The following TRPM8 variants were observed in gnomAD, a reference collection of about 807,000 sequenced individuals.
TRPM8 encodes TRPM8 cationic channel.
Under a neutral mutation model 133.7 loss-of-function variants are expected in TRPM8, and 110 were observed. The observed-to-expected ratio is 0.82, with a 90% CI of 0.70 to 0.96. The LOEUF (loss-of-function observed/expected upper bound fraction) is 0.96. Ranked by LOEUF, TRPM8 falls within the 40% of genes least tolerant of loss-of-function variation. The probability of loss-of-function intolerance (pLI) is 0.00; values close to 1 mark genes in which losing one functional copy is unlikely to be tolerated. For missense variants in TRPM8, 1,291 were observed against 1,379.5 expected (o/e 0.94, Z 1.02); for synonymous variants, 535 against 532.3 (o/e 1.01, Z -0.07).
intron 2 of TRPM8, 149 bp downstream of exon 2, chr2:233,926,803 C>T (rs1691526601): frequency 1.5e-6 from 1 of 649,680 alleles, no homozygotes; most frequent in African/African-American, 1.8e-5. Flanking sequence ...GCTCTTGTTT[C>T]CGGTCTGAGC....
chr2:233,926,447 A>G, intron 1 of TRPM8, 86 bp from the exon 2 acceptor site: 1 of 976,044 alleles, frequency 1.0e-6, no homozygotes, highest in Non-Finnish European at 1.6e-6. Context: ...GAGAGGGTGG[A>G]GGGAAAACGG....
At position 233,964,632 on chromosome 2, in the gene TRPM8, G is replaced by T; in HGVS notation, c.1754G>T (p.Arg585Met). 2 of 1,579,956 alleles carry T rather than the reference G, an allele frequency of 1.3e-6. No homozygotes were observed. The highest frequency in any genetic ancestry group is 2.3e-5 in the East Asian group (1 of 44,364). The change falls in exon 14 of 26, where the codon AGG (arginine) becomes ATG (methionine). Residue 585 changes from arginine (R) to methionine (M), a missense_variant. Transcript: ENST00000324695. The stretch of plus-strand genomic sequence containing the variant: ...ATTCTTCACCCCCCTAAAAAGACCA[G>T]GGGCTGCACTCTGGCAGCCCTGGGA... ...ELSKVIWEQT[R>M]GCTLAALGAS...
chr2:233,986,708 G>A (rs929518207), intron 21 of TRPM8, among the ~76,000 whole-genome samples: 9 of 152,234 alleles, frequency 5.9e-5, no homozygotes, highest in Non-Finnish European at 1.2e-4. Context: ...TGATAAATTA[G>A]GGAAAATGTT....
intron 6 of TRPM8, chr2:233,943,000 A>C (rs2125104922): frequency 1.7e-6 from 1 of 584,204 alleles, no homozygotes; most frequent in South Asian, 2.1e-5. Flanking sequence ...TATCACAGTC[A>C]GGTTCTTTAT....
At chr2:233,942,936 G>A in intron 6 of TRPM8, 188 bp downstream of exon 6, 1 of 637,628 alleles carries the variant, frequency 1.6e-6, no homozygotes, top group Non-Finnish European at 2.8e-6. Context: ...TAACTGCTGG[G>A]AAAGAGTTAA....
chr2:233,937,605 G>A lies in TRPM8; in HGVS notation c.348+96G>A, dbSNP rs993546994. 3 of 1,386,988 alleles carry A rather than the reference G, an allele frequency of 2.2e-6. No homozygotes were observed. The African/African-American group carries it at 4.3e-5, about 20-fold the overall frequency. 85.9% of individuals were successfully genotyped at this position (1,386,988 alleles called of 1,614,324 possible). A position where few individuals can be genotyped will look rare whatever the true frequency, so the allele number is the denominator to read the frequency against. ...GGAATTGTCTAATAGGATGGAGGCA[G>A]GAGAGATGGGTAGTAAACACCAAAA... On this transcript the variant is annotated intron_variant, in intron 4 of 25. Coordinates refer to ENST00000324695, the MANE Select transcript of TRPM8 (RefSeq NM_024080.5).
chr2:233,979,884 G>A (rs1691962948), intron 17 of TRPM8, among the ~76,000 whole-genome samples: 1 of 152,174 alleles, frequency 6.6e-6, no homozygotes, highest in African/African-American at 2.4e-5. Flanking sequence ...GTCTACATCT[G>A]CCTACGGAGG....
At chr2:233,938,007 G>A (rs1330191455) in intron 4 of TRPM8, among the ~76,000 whole-genome samples, 1 of 152,276 alleles carries the variant, frequency 6.6e-6, no homozygotes, top group Non-Finnish European at 1.5e-5. Context: ...TTCCTGCAGG[G>A]CCTGGGCCTC....
chr2:233,937,043 C>T (rs551818904), intron 3 of TRPM8, among the ~76,000 whole-genome samples: 13 of 151,976 alleles, frequency 8.6e-5, no homozygotes, highest in African/African-American at 2.7e-4. Flanking sequence ...ATTACAGGTG[C>T]CTGCCAACAT....
intron 17 of TRPM8, among the ~76,000 whole-genome samples, chr2:233,976,242 A>C (rs1691870353): frequency 6.6e-6 from 1 of 152,164 alleles, no homozygotes; most frequent in East Asian, 1.9e-4. Context: ...CGAGTCTTAC[A>C]CTTACTGGGA....
rs1411442285 is a variant in TRPM8, at chr2:233,918,243, T to G, written c.-6+811T>G. On this transcript the variant is annotated intron_variant, in intron 1 of 25. Coordinates refer to ENST00000324695, the MANE Select transcript of TRPM8 (RefSeq NM_024080.5). The stretch of plus-strand genomic sequence containing the variant: ...AGGACTTACTTCCAAGGTTGTGACT[T>G]TGGATGCATATTTATTTATAATTTG... 2.0e-5 allele frequency among the ~76,000 whole-genome samples: 3 copies of G among 151,660 alleles called. No individual in the cohort carries two copies. The East Asian group carries it at 5.8e-4, about 29-fold the overall frequency.
chr2:233,983,267 A>G (rs1472505977), intron 20 of TRPM8, 43 bp downstream of exon 20: 1 of 1,612,374 alleles, frequency 6.2e-7, no homozygotes, highest in East Asian at 2.2e-5. Context: ...TGGAGGAGGC[A>G]TTTGCTCCCT....
intron 15 of TRPM8, among the ~76,000 whole-genome samples, chr2:233,967,158 GA>G (rs917319859): frequency 6.6e-6 from 1 of 152,238 alleles, no homozygotes; most frequent in African/African-American, 2.4e-5. Context: ...TTATTGTGAA[GA>G]TTTAAGGAGA....
At chr2:234,000,512 T>C (rs1261191481) in intron 22 of TRPM8, among the ~76,000 whole-genome samples, 1 of 151,908 alleles carries the variant, frequency 6.6e-6, no homozygotes, top group East Asian at 1.9e-4. Flanking sequence ...TATTCAGTTA[T>C]CTTGTTACAG....
At chr2:233,922,539 A>G (rs1691431686) in intron 1 of TRPM8, among the ~76,000 whole-genome samples, 1 of 149,974 alleles carries the variant, frequency 6.7e-6, no homozygotes, top group Non-Finnish European at 1.5e-5. Flanking sequence ...ATTTAAACTG[A>G]AAAAAAACCT....
At chr2:233,988,261 C>T (rs1354683633) in intron 21 of TRPM8, among the ~76,000 whole-genome samples, 1 of 151,994 alleles carries the variant, frequency 6.6e-6, no homozygotes, top group Admixed American at 6.6e-5. Context: ...CCATCCCGAA[C>T]TTCTCTTCCT....
intron 21 of TRPM8, among the ~76,000 whole-genome samples, chr2:233,990,924 A>G (rs1239694130): frequency 6.6e-6 from 1 of 152,136 alleles, no homozygotes; most frequent in Admixed American, 6.5e-5. Flanking sequence ...TATAATATAT[A>G]TAATATAATG....
chr2:233,920,472 A>C (rs1405736063), intron 1 of TRPM8, among the ~76,000 whole-genome samples: 1 of 152,244 alleles, frequency 6.6e-6, no homozygotes. Flanking sequence ...ATCCTTAGCT[A>C]TCTCTCTGTG....
At chr2:233,964,909 C>T (rs761224414) in intron 14 of TRPM8, 152 bp downstream of exon 14, 136 of 717,260 alleles carry the variant, frequency 1.9e-4, no homozygotes, top group African/African-American at 3.6e-4. Context: ...GGTCTGGATG[C>T]GACAATCTCC....
Sources: allele counts gnomAD v4.1 joint callset (sites outside exome capture counted in the v4.1 genomes callset), GRCh38; gene constraint gnomAD v4.1.1; transcripts MANE v1.5; gene names NCBI Gene and HGNC (gene_info 2026-07-23, HGNC 2026-07-21).